HECW2: variants seen among roughly 807,000 people sequenced by gnomAD.
The protein encoded by HECW2 is E3 ubiquitin-protein ligase HECW2.
A neutral mutation model predicts 175.2 loss-of-function variants in HECW2; 61 were observed. That is an observed-to-expected ratio of 0.35 (90% CI 0.28 to 0.43). HECW2 has a LOEUF of 0.43. HECW2 is among the 20% of genes least tolerant of loss of function. The probability of loss-of-function intolerance (pLI) is 1.00; values close to 1 mark genes in which losing one functional copy is unlikely to be tolerated. For missense variants in HECW2, 1,524 were observed against 2,000.5 expected, an observed-to-expected ratio of 0.76 and a Z score of 4.54; for synonymous variants, 671 against 731.0, an observed-to-expected ratio of 0.92 and a Z score of 1.32.
intron 10 of HECW2, among the ~76,000 whole-genome samples, chr2:196,312,726 T>G (rs879936893): frequency 2.6e-5 from 4 of 152,246 alleles, no homozygotes; most frequent in Non-Finnish European, 4.4e-5. Flanking sequence ...AACAAAAAGT[T>G]TTTTAAAAAG....
chr2:196,317,810 C>G (rs1444721884), intron 9 of HECW2, among the ~76,000 whole-genome samples: 1 of 152,138 alleles, frequency 6.6e-6, no homozygotes, highest in Non-Finnish European at 1.5e-5. Context: ...TATGAAATTG[C>G]TCTTTGATTT....
chr2:196,391,524 G>A (rs748308309), intron 2 of HECW2, among the ~76,000 whole-genome samples: 1 of 152,118 alleles, frequency 6.6e-6, no homozygotes, highest in Non-Finnish European at 1.5e-5. Flanking sequence ...TTAGATGATA[G>A]GATCTCACAT....
intron 10 of HECW2, among the ~76,000 whole-genome samples, chr2:196,315,155 T>A (rs1046396108): frequency 1.8e-4 from 10 of 54,406 alleles, no homozygotes; most frequent in South Asian, 8.2e-4. Context: ...TATGAGTGTG[T>A]GTGTGTGTGT....
chr2:196,458,457 CACAT>C (rs1293741391), intron 1 of HECW2, among the ~76,000 whole-genome samples: 1 of 151,604 alleles, frequency 6.6e-6, no homozygotes, highest in Non-Finnish European at 1.5e-5. Context: ...CACACACACA[CACAT>C]ACACACACCC....
At chr2:196,299,332 A>AC (rs1690942921) in intron 13 of HECW2, among the ~76,000 whole-genome samples, 2 of 151,670 alleles carry the variant, frequency 1.3e-5, no homozygotes, top group Non-Finnish European at 2.9e-5. Flanking sequence ...AATAAGTTAA[A>AC]AAAAAAAAAA....
At chr2:196,383,125 G>A (rs1694254242) in intron 2 of HECW2, among the ~76,000 whole-genome samples, 1 of 152,102 alleles carries the variant, frequency 6.6e-6, no homozygotes, top group South Asian at 2.1e-4. Context: ...AGTTGAAGAG[G>A]TTAATTGACC....
intron 2 of HECW2, among the ~76,000 whole-genome samples, chr2:196,393,791 T>C (rs1342424569): frequency 6.6e-6 from 1 of 152,226 alleles, no homozygotes; most frequent in Non-Finnish European, 1.5e-5. Context: ...GACCCAGCTA[T>C]CCCATTACTG....
At chr2:196,305,838 C>G (rs1691236735) in intron 13 of HECW2, among the ~76,000 whole-genome samples, 1 of 152,134 alleles carries the variant, frequency 6.6e-6, no homozygotes, top group Non-Finnish European at 1.5e-5. Context: ...TCCTGCTAGA[C>G]TTCTATGGCC....
rs200637743 is a variant in HECW2 at position 196,220,966 on chromosome 2, G to A, written c.4147-25C>T. ...TCTGAGATTACAAAATAAAAAGAAT[G>A]ACTACAAAGCAATACTCTTAATGTT... On this transcript the variant is annotated intron_variant, in intron 24 of 28. Coordinates refer to ENST00000644978, the MANE Select transcript of HECW2 (RefSeq NM_001348768.2). 361 of 1,611,648 alleles carry A rather than the reference G, an allele frequency of 2.2e-4. 2 individuals are homozygous for A. The South Asian group carries it at 3.6e-3, about 16-fold the overall frequency.
rs907475898 is a variant in HECW2 at position 196,254,038 on chromosome 2, A to G, written c.3420-9T>C. 3 of 1,613,064 alleles carry G rather than the reference A, an allele frequency of 1.9e-6. No homozygotes were observed. The highest frequency in any genetic ancestry group is 1.1e-5 in the South Asian group (1 of 91,064). On this transcript the variant is annotated splice_polypyrimidine_tract_variant and intron_variant, in intron 18 of 28. Transcript: ENST00000644978. ...TCTCTTCTTCAAATAAGCTGGGGAA[A>G]GACAAGAAACAAAACGGGCACTTCA...
intron 10 of HECW2, among the ~76,000 whole-genome samples, chr2:196,311,341 T>C (rs1691489619): frequency 1.3e-5 from 2 of 152,176 alleles, no homozygotes; most frequent in Admixed American, 6.5e-5. Context: ...CTCAGTTATC[T>C]ACACTTTTAA....
chr2:196,305,461 T>C (rs930997169), intron 13 of HECW2, among the ~76,000 whole-genome samples: 3 of 152,276 alleles, frequency 2.0e-5, no homozygotes, highest in East Asian at 3.9e-4. Context: ...TATTAATATA[T>C]ACTAATTACC....
Position 196,394,222 on chromosome 2 carries a change from G to A in HECW2, c.292+38910C>T, listed in dbSNP as rs182906347. On this transcript the variant is annotated intron_variant, in intron 2 of 28. Transcript: ENST00000644978. ...TGTAAATGACGAGTTAATGGGTGCA[G>A]CACACCAACATGGCACATGTATGCA... 3.3e-3 allele frequency among the ~76,000 whole-genome samples: 504 copies of A among 152,174 alleles called. 4 individuals are homozygous for A. The highest frequency in any genetic ancestry group is 0.012 in the African/African-American group (482 of 41,504).
At position 196,217,026 on chromosome 2, in the gene HECW2, T is replaced by G. The variant is rs1302194821; in HGVS notation, c.4476A>C (p.Gln1492His). The G allele has an allele frequency of 3.3e-6, 5 of 1,534,012 alleles. No individual in the cohort carries two copies. In the African/African-American group the frequency reaches 7.2e-5, roughly 22 times the overall value. Residue 1492 changes from glutamine to histidine, a missense_variant, in exon 27 of 29, where the codon CAA becomes CAC. By Grantham distance (24) the Gln-to-His change is conservative (BLOSUM62 0). Coordinates refer to ENST00000644978, the MANE Select transcript of HECW2 (RefSeq NM_001348768.2). Reference protein sequence around the residue: ...WAAVERFNNEQRLRLLQFVTG... With the variant: ...WAAVERFNNEHRLRLLQFVTG... ...ATCTCACCTGTAACAACCTTAGTCG[T>G]TGTTCATTGTTGAATCTTTCCACTG...
chr2:196,495,819 T>C (rs566402795), intron 1 of HECW2, among the ~76,000 whole-genome samples: 9 of 152,334 alleles, frequency 5.9e-5, no homozygotes, highest in African/African-American at 2.2e-4. Flanking sequence ...GCTGGCATCA[T>C]ATTTAGCAGA....
intron 9 of HECW2, 84 bp from the exon 10 acceptor site, chr2:196,317,453 T>A: frequency 1.0e-6 from 1 of 952,690 alleles, no homozygotes; most frequent in East Asian, 2.6e-5. Context: ...CTAACATAAT[T>A]CCCAAGGCTA....
At chr2:196,215,604 C>T (rs1233249526) in intron 28 of HECW2, among the ~76,000 whole-genome samples, 2 of 152,154 alleles carry the variant, frequency 1.3e-5, no homozygotes, top group African/African-American at 4.8e-5. Flanking sequence ...GCATGATAAC[C>T]AACGTCGCTT....
At chr2:196,362,190 C>T in intron 2 of HECW2, 1 of 985,388 alleles carries the variant, frequency 1.0e-6, no homozygotes, top group Non-Finnish European at 1.2e-6. Context: ...AAAAATGTAT[C>T]ACATCCCCTC....
At chr2:196,222,376 C>T in intron 23 of HECW2, 36 bp from the exon 24 acceptor site, 1 of 1,601,394 alleles carries the variant, frequency 6.2e-7, no homozygotes, top group Non-Finnish European at 8.5e-7. Context: ...AATATGTAGG[C>T]ATGGCTATTA....
Sources: allele counts gnomAD v4.1 joint callset (sites outside exome capture counted in the v4.1 genomes callset), GRCh38; gene constraint gnomAD v4.1.1; transcripts MANE v1.5; gene names NCBI Gene and HGNC (gene_info 2026-07-23, HGNC 2026-07-21).